TBXAS1: variants seen among roughly 807,000 people sequenced by gnomAD.
The protein encoded by TBXAS1 is thromboxane A synthase 1.
TBXAS1 carries 48 observed loss-of-function variants against 60.7 expected under a neutral mutation model. That is an observed-to-expected ratio of 0.79 (90% CI 0.63 to 1.01). TBXAS1 has a LOEUF of 1.01. Among genes scored for constraint, TBXAS1 ranks in the 50% least tolerant of loss-of-function variants. The pLI, the probability that TBXAS1 is intolerant of heterozygous loss-of-function variation, is 0.00. For missense variants in TBXAS1, 685 were observed against 686.3 expected, an observed-to-expected ratio of 1.00 and a Z score of 0.02; for synonymous variants, 287 against 269.7, an observed-to-expected ratio of 1.06 and a Z score of -0.63.
chr7:139,800,780 T>G (rs1388401739), intron 4 of TBXAS1, among the ~76,000 whole-genome samples: 1 of 152,220 alleles, frequency 6.6e-6, no homozygotes, highest in Non-Finnish European at 1.5e-5. Flanking sequence ...GTTTGTGACC[T>G]TCTCATATTT....
intron 5 of TBXAS1, among the ~76,000 whole-genome samples, chr7:139,941,680 T>TC (rs954460106): frequency 1.2e-4 from 18 of 152,194 alleles, no homozygotes; most frequent in African/African-American, 4.3e-4. Flanking sequence ...TTTCACTCCA[T>TC]CCCCCGAAGA....
chr7:139,792,026 A>G (rs1569490547), intron 4 of TBXAS1, among the ~76,000 whole-genome samples: 1 of 152,140 alleles, frequency 6.6e-6, no homozygotes, highest in Non-Finnish European at 1.5e-5. Flanking sequence ...AGGGTATGCT[A>G]TATCCCATAG....
chr7:139,862,059 G>A (rs1424538421), intron 1 of TBXAS1, among the ~76,000 whole-genome samples: 1 of 152,234 alleles, frequency 6.6e-6, no homozygotes, highest in Non-Finnish European at 1.5e-5. Flanking sequence ...CAATGGTGAT[G>A]TAGAGATGAT....
At chr7:139,990,238 G>C (rs550327363) in intron 9 of TBXAS1, among the ~76,000 whole-genome samples, 1 of 152,220 alleles carries the variant, frequency 6.6e-6, no homozygotes. Context: ...GGGAGACCCC[G>C]AGGCCATCTG....
intron 3 of TBXAS1, among the ~76,000 whole-genome samples, chr7:139,785,633 A>G (rs1391032366): frequency 1.3e-5 from 2 of 151,876 alleles, no homozygotes; most frequent in African/African-American, 2.4e-5. Context: ...CCTCGTCTTT[A>G]ATTCACATAA....
intron 4 of TBXAS1, among the ~76,000 whole-genome samples, chr7:139,921,979 C>G (rs1023396615): frequency 9.9e-5 from 15 of 152,124 alleles, no homozygotes; most frequent in African/African-American, 3.4e-4. Flanking sequence ...TTAGCCAGCA[C>G]TTTCATCTTG....
chr7:139,923,750 A>AT lies in TBXAS1; in HGVS notation c.334-12434dup, dbSNP rs578166721. ...ATACTAGGTCTTATTCACTTTTTCT[A>AT]TTTTTTTCCACCCATTAACCATCCC... On this transcript the variant is annotated intron_variant, in intron 4 of 12. Transcript: ENST00000448866. Among the ~76,000 whole-genome samples the AT allele has an allele frequency of 3.6e-4, 55 of 151,596 alleles. No homozygotes were observed. In the South Asian group the frequency reaches 0.011, roughly 30 times the overall value.
In TBXAS1 at chr7:140,013,688, T is replaced by G. The variant is rs935643894; in HGVS notation, c.1227-2035T>G. Among the ~76,000 whole-genome samples, 10 of 152,052 alleles carry G rather than the reference T, an allele frequency of 6.6e-5. No homozygotes were observed. Among genetic ancestry groups the G allele is most frequent in the African/African-American group, 2.4e-4 (10 of 41,402 alleles). ...TCACAAGCTGCAGTGGCTCCAGCAG[T>G]CAGATTGGGGTGTGATCTCACAGCA... On this transcript the variant is annotated intron_variant, in intron 10 of 12. Transcript: ENST00000448866. This position sits in a 1 kb window ranked among gnomAD's most constrained non-coding sequence, Gnocchi z 4.2.
At chr7:139,810,000 T>G (rs1490689266) in intron 4 of TBXAS1, among the ~76,000 whole-genome samples, 1 of 152,200 alleles carries the variant, frequency 6.6e-6, no homozygotes, top group Non-Finnish European at 1.5e-5. Flanking sequence ...CTGCAGCTCT[T>G]TAAGCCCAGG....
chr7:139,918,382 A>G (rs1806170167), intron 4 of TBXAS1, among the ~76,000 whole-genome samples: 1 of 152,132 alleles, frequency 6.6e-6, no homozygotes, highest in Admixed American at 6.5e-5. Flanking sequence ...AGCCACTTGG[A>G]GCTTCAGGTA....
chr7:139,819,101 A>G (rs144244457), intron 4 of TBXAS1, among the ~76,000 whole-genome samples: 3 of 152,356 alleles, frequency 2.0e-5, no homozygotes, highest in African/African-American at 7.2e-5. Context: ...TGTGGCAGGA[A>G]TGCTATATGC....
rs143656991 is a variant in TBXAS1, at chr7:139,990,736, A to G, written c.1135-16355A>G. On this transcript the variant is annotated intron_variant, in intron 9 of 12. Transcript: ENST00000448866. ...CACTACCACTCTCATCTGGTTGCCC[A>G]GTCCATGATTGTGAACTTGACCTCT... is the stretch of plus-strand genomic sequence containing the variant. Among the ~76,000 whole-genome samples, 580 of 116,558 alleles carry G rather than the reference A, an allele frequency of 5.0e-3. 7 individuals are homozygous for G. The highest frequency in any genetic ancestry group is 0.019 in the African/African-American group (553 of 29,648). The allele number at this position is 116,558 out of a possible 152,430, so 76.5% of individuals were successfully genotyped here.
At chr7:139,796,837 G>A (rs548000509) in intron 4 of TBXAS1, among the ~76,000 whole-genome samples, 3 of 152,320 alleles carry the variant, frequency 2.0e-5, no homozygotes, top group South Asian at 2.1e-4. Flanking sequence ...AGAAGTTTCC[G>A]ATTTTGGCTG....
At chr7:139,779,676 G>T (rs1470885337) in intron 1 of TBXAS1, among the ~76,000 whole-genome samples, 1 of 152,056 alleles carries the variant, frequency 6.6e-6, no homozygotes, top group African/African-American at 2.4e-5. Flanking sequence ...CCTAAATATT[G>T]CCATCTTCAT....
chr7:139,934,106 A>G (rs1412163389), intron 4 of TBXAS1, among the ~76,000 whole-genome samples: 3 of 152,044 alleles, frequency 2.0e-5, no homozygotes, highest in Non-Finnish European at 4.4e-5. Context: ...TTCACTTTCC[A>G]TCTAGTTGTT....
intron 3 of TBXAS1, among the ~76,000 whole-genome samples, chr7:139,886,012 G>A (rs1803068566): frequency 6.6e-6 from 1 of 152,142 alleles, no homozygotes; most frequent in Non-Finnish European, 1.5e-5. Context: ...ATCTTTTAAA[G>A]TTTGGGTTGT....
intron 1 of TBXAS1, among the ~76,000 whole-genome samples, chr7:139,865,610 AGG>A (rs1454405412): frequency 1.3e-4 from 13 of 101,052 alleles, no homozygotes; most frequent in African/African-American, 4.4e-4. Flanking sequence ...GAGGAAGAGG[AGG>A]AGGAGGAAGA....
chr7:140,017,641 T>C, intron 11 of TBXAS1, 30 bp from the exon 12 acceptor site: 22 of 1,610,542 alleles, frequency 1.4e-5, no homozygotes, highest in Non-Finnish European at 1.8e-5. Context: ...GCGGGTGTTC[T>C]GGGCCAGCCC....
At chr7:139,936,169 T>A in intron 4 of TBXAS1, 22 bp from the exon 5 acceptor site, 1 of 1,613,548 alleles carries the variant, frequency 6.2e-7, no homozygotes, top group Non-Finnish European at 8.5e-7. Flanking sequence ...GTCCTGACCC[T>A]CTGCTTGTTA....
Sources: gnomAD v4.1 joint callset for allele counts (sites outside exome capture counted in the v4.1 genomes callset) on GRCh38, gnomAD v4.1.1 for gene constraint, Gnocchi (gnomAD v3.1) non-coding constraint, MANE v1.5 for transcripts, NCBI Gene and HGNC (gene_info 2026-07-23, HGNC 2026-07-21) for gene names.